Variants in SCYL3 observed in about 807,000 individuals in gnomAD.
SCYL3 encodes protein-associating with the carboxyl-terminal domain of ezrin.
Under a neutral mutation model 73.8 loss-of-function variants are expected in SCYL3, and 35 were observed. The observed-to-expected ratio is 0.47, with a 90% CI of 0.36 to 0.63. The LOEUF (loss-of-function observed/expected upper bound fraction) is 0.63. SCYL3 is among the 20% of genes least tolerant of loss of function. SCYL3 has a pLI of 0.00. For synonymous variants in SCYL3, 277 were observed against 295.2 expected, an observed-to-expected ratio of 0.94 and a Z score of 0.63; for missense variants, 712 against 798.9, an observed-to-expected ratio of 0.89 and a Z score of 1.31.
At position 169,854,933 on chromosome 1, in the gene SCYL3, G is replaced by T; in HGVS notation, c.1344C>A (p.Pro448=). 1.9e-6 allele frequency: 3 copies of T among 1,609,906 alleles called. No individual in the cohort carries two copies. In the South Asian group the frequency reaches 3.3e-5, roughly 18 times the overall value. Residue 448 remains proline (P), a synonymous_variant, in exon 12 of 13, where the codon CCC becomes CCA. Coordinates refer to ENST00000367771, the MANE Select transcript of SCYL3 (RefSeq NM_020423.7). ...GDPFSQPIKF[P]INGLSDVKNT... is the part of the protein sequence containing the mutation. ...TTTTTACATCTGAGAGTCCATTTAT[G>T]GGAAATTTAATAGGCTGAGAAAATG...
At chr1:169,869,385 G>A (rs901370970) in intron 6 of SCYL3, among the ~76,000 whole-genome samples, 2 of 152,184 alleles carry the variant, frequency 1.3e-5, no homozygotes, top group Non-Finnish European at 2.9e-5. Context: ...ACAGTTATAT[G>A]AATGATTATA....
Position 169,854,970 on chromosome 1 carries a change from G to A in SCYL3, c.1313-6C>T. 6.4e-7 allele frequency: 1 copy of A among 1,570,470 alleles called. No individual in the cohort carries two copies. Among genetic ancestry groups the A allele is most frequent in the Non-Finnish European group, 8.7e-7 (1 of 1,153,588 alleles). On this transcript the variant is annotated splice_polypyrimidine_tract_variant and splice_region_variant and intron_variant, in intron 11 of 12. Coordinates refer to ENST00000367771, the MANE Select transcript of SCYL3 (RefSeq NM_020423.7). ...AGGCTGAGAAAATGGATCGCCTGTA[G>A]GGAAAATAATTATTCTCATAAAATA...
chr1:169,866,268 T>G (rs987853389), intron 8 of SCYL3, among the ~76,000 whole-genome samples: 9 of 152,238 alleles, frequency 5.9e-5, no homozygotes, highest in African/African-American at 1.9e-4. Flanking sequence ...ATTAATGCCC[T>G]TATGTGTGGC....
At chr1:169,874,350 T>C (rs1660641558) in intron 4 of SCYL3, among the ~76,000 whole-genome samples, 1 of 152,204 alleles carries the variant, frequency 6.6e-6, no homozygotes, top group Non-Finnish European at 1.5e-5. Context: ...CAGGTGCTCA[T>C]AACCTAGAAT....
chr1:169,853,240 C>CAAAT lies in SCYL3; in HGVS notation c.*469_*472dup, dbSNP rs1247636060. On this transcript the variant is annotated 3_prime_UTR_variant, in exon 13 of 13. Transcript: ENST00000367771. The stretch of plus-strand genomic sequence containing the variant: ...TTTACTCAGATAGTCTAACTGTAAA[C>CAAAT]AAATAAATAAGCTGCCTAAGGAAAC... The CAAAT allele has an allele frequency of 6.5e-6, 3 of 459,004 alleles. No homozygotes were observed. Among genetic ancestry groups the CAAAT allele is most frequent in the South Asian group, 7.4e-5 (2 of 27,164 alleles). The allele number at this position is 459,004 out of a possible 1,614,324, so 28.4% of individuals were successfully genotyped here. A position where few individuals can be genotyped will look rare whatever the true frequency, so the allele number is the denominator to read the frequency against.
chr1:169,887,323 G>A lies in SCYL3; in HGVS notation c.165+1353C>T, dbSNP rs75842222. Reference sequence around the variant, plus strand: ...CAGCACAGAAGTCCTCAAAAATGGAGAGTGGTCTTGCTGTTTTTTCCTTTA... The same window carrying A: ...CAGCACAGAAGTCCTCAAAAATGGAAAGTGGTCTTGCTGTTTTTTCCTTTA... On this transcript the variant is annotated intron_variant, in intron 2 of 12. Coordinates refer to ENST00000367771, the MANE Select transcript of SCYL3 (RefSeq NM_020423.7). 1.0e-3 allele frequency among the ~76,000 whole-genome samples: 151 copies of A among 147,256 alleles called. 1 individual carries two copies. In the East Asian group the frequency reaches 0.023, roughly 23 times the overall value.
At chr1:169,865,302 C>G (rs1178753296) in intron 8 of SCYL3, among the ~76,000 whole-genome samples, 2 of 152,116 alleles carry the variant, frequency 1.3e-5, no homozygotes, top group East Asian at 3.9e-4. Flanking sequence ...AGCAGATATC[C>G]TTGCCTCCTA....
chr1:169,859,836 G>C (rs1297429939), intron 10 of SCYL3: 1 of 152,306 alleles, frequency 6.6e-6, no homozygotes, highest in Non-Finnish European at 1.5e-5. Context: ...GGAGTTCTGG[G>C]CTGTAGTGTG....
chr1:169,849,686 A>G lies in SCYL3; in HGVS notation c.*4027T>C, dbSNP rs1657853710. 2 of 1,096,238 alleles carry G rather than the reference A, an allele frequency of 1.8e-6. No individual in the cohort carries two copies. Among genetic ancestry groups the G allele is most frequent in the Non-Finnish European group, 2.7e-6 (2 of 729,830 alleles). The allele number at this position is 1,096,238 out of a possible 1,614,324, so 67.9% of individuals were successfully genotyped here. A position where few individuals can be genotyped will look rare whatever the true frequency, so the allele number is the denominator to read the frequency against. ...ATTCCAGAACAATCCCAAAACATTT[A>G]TTGAACTGCTTCTGTATTGCAATCG... On this transcript the variant is annotated 3_prime_UTR_variant, in exon 13 of 13. Transcript: ENST00000367771.
intron 2 of SCYL3, among the ~76,000 whole-genome samples, chr1:169,883,794 C>T (rs1558143844): frequency 1.3e-5 from 2 of 148,292 alleles, no homozygotes; most frequent in Non-Finnish European, 3.0e-5. Flanking sequence ...TCTTGGCTCA[C>T]TGCAACCTCC....
rs1160795455 is a variant in SCYL3 at position 169,853,038 on chromosome 1, T to TTA, written c.*673_*674dup. The TTA allele has an allele frequency of 3.2e-6, 5 of 1,564,088 alleles. No individual in the cohort carries two copies. The highest frequency in any genetic ancestry group is 4.4e-6 in the Non-Finnish European group (5 of 1,136,580). On this transcript the variant is annotated 3_prime_UTR_variant, in exon 13 of 13. Coordinates refer to ENST00000367771, the MANE Select transcript of SCYL3 (RefSeq NM_020423.7). ...TTGATGCTTTGTCAACTGAAAATACTTATGTCTGTACATTTTCTAACAGAT... is the reference window on the plus strand; with the variant it reads ...TTGATGCTTTGTCAACTGAAAATACTTATATGTCTGTACATTTTCTAACAGAT...
At chr1:169,887,771 C>A (rs2102214455) in intron 2 of SCYL3, among the ~76,000 whole-genome samples, 1 of 152,138 alleles carries the variant, frequency 6.6e-6, no homozygotes, top group East Asian at 1.9e-4. Context: ...CATGCTTGAT[C>A]AAAAATACAA....
chr1:169,876,170 C>G (rs540363641), intron 3 of SCYL3, 79 bp from the exon 4 acceptor site: 1 of 775,500 alleles, frequency 1.3e-6, no homozygotes, highest in African/African-American at 1.8e-5. Context: ...ATGTTTTTCT[C>G]CATCTCTCAC....
intron 1 of SCYL3, among the ~76,000 whole-genome samples, chr1:169,889,574 CAAAT>C (rs1324221130): frequency 6.6e-6 from 1 of 151,744 alleles, no homozygotes; most frequent in African/African-American, 2.4e-5. Context: ...AACTGAATCT[CAAAT>C]AATCTCAATT....
At chr1:169,869,449 ATAGT>A (rs1372710489) in intron 6 of SCYL3, among the ~76,000 whole-genome samples, 1 of 152,236 alleles carries the variant, frequency 6.6e-6, no homozygotes, top group African/African-American at 2.4e-5. Context: ...AATACATAGA[ATAGT>A]TAGTTCATTA....
At chr1:169,872,628 A>G (rs1379780831) in intron 5 of SCYL3, among the ~76,000 whole-genome samples, 2 of 152,158 alleles carry the variant, frequency 1.3e-5, no homozygotes, top group Non-Finnish European at 2.9e-5. Context: ...GACATTCAAG[A>G]CCAGCCTGTG....
intron 9 of SCYL3, among the ~76,000 whole-genome samples, chr1:169,863,762 TA>T (rs1425294413): frequency 6.6e-6 from 1 of 152,184 alleles, no homozygotes; most frequent in Non-Finnish European, 1.5e-5. Flanking sequence ...AGTAGAGATA[TA>T]AGGAAATTCT....
At chr1:169,872,643 C>T (rs927981981) in intron 5 of SCYL3, among the ~76,000 whole-genome samples, 1 of 152,188 alleles carries the variant, frequency 6.6e-6, no homozygotes, top group Non-Finnish European at 1.5e-5. Flanking sequence ...CCTGTGAAAG[C>T]AGCCAGGAGG....
Position 169,853,065 on chromosome 1 carries a change from TAA to T in SCYL3, c.*646_*647del. 7 of 1,414,006 alleles carry T rather than the reference TAA, an allele frequency of 5.0e-6. No individual in the cohort carries two copies. In the South Asian group the frequency reaches 8.6e-5, roughly 17 times the overall value. 87.6% of individuals were successfully genotyped at this position (1,414,006 alleles called of 1,614,324 possible). A position where few individuals can be genotyped will look rare whatever the true frequency, so the allele number is the denominator to read the frequency against. On this transcript the variant is annotated 3_prime_UTR_variant, in exon 13 of 13. Coordinates refer to ENST00000367771, the MANE Select transcript of SCYL3 (RefSeq NM_020423.7). Reference sequence around the variant, plus strand: ...ATGTCTGTACATTTTCTAACAGATATAAAACAAATTTTGTAAAGTTGAATCTA... The same window carrying T: ...ATGTCTGTACATTTTCTAACAGATATAACAAATTTTGTAAAGTTGAATCTA...
Sources: allele counts gnomAD v4.1 joint callset (sites outside exome capture counted in the v4.1 genomes callset), GRCh38; gene constraint gnomAD v4.1.1; transcripts MANE v1.5; gene names NCBI Gene and HGNC (gene_info 2026-07-23, HGNC 2026-07-21).